MAD1L1: variants seen among roughly 807,000 people sequenced by gnomAD.
The protein encoded by MAD1L1 is mitotic spindle assembly checkpoint protein MAD1.
A neutral mutation model predicts 96.9 loss-of-function variants in MAD1L1; 95 were observed. The ratio of observed to expected loss-of-function variants is 0.98; its 90% CI spans 0.83 to 1.16. MAD1L1 has a LOEUF of 1.16. MAD1L1 is among the 50% of genes most tolerant of loss of function. The probability of loss-of-function intolerance (pLI) is 0.00; values close to 1 mark genes in which losing one functional copy is unlikely to be tolerated. For synonymous variants in MAD1L1, 473 were observed against 396.6 expected (o/e 1.19, Z -2.29); for missense variants, 1,007 against 954.4 (o/e 1.06, Z -0.73).
chr7:2,220,388 C>T (rs1289349324), intron 5 of MAD1L1, among the ~76,000 whole-genome samples: 1 of 152,228 alleles, frequency 6.6e-6, no homozygotes, highest in Non-Finnish European at 1.5e-5. Flanking sequence ...GGACCCTAAC[C>T]CTCTGGAAAA....
At chr7:2,107,082 G>T (rs1787138748) in intron 11 of MAD1L1, among the ~76,000 whole-genome samples, 1 of 152,256 alleles carries the variant, frequency 6.6e-6, no homozygotes, top group Non-Finnish European at 1.5e-5. Flanking sequence ...GCACCTGGCT[G>T]CCTGGGACAG....
intron 16 of MAD1L1, among the ~76,000 whole-genome samples, chr7:1,952,675 G>A (rs1044552494): frequency 1.3e-5 from 2 of 152,160 alleles, no homozygotes; most frequent in African/African-American, 2.4e-5. Context: ...CCGTGATCCT[G>A]CCTCCCAGGA....
chr7:1,994,307 G>A (rs974988062), intron 14 of MAD1L1, among the ~76,000 whole-genome samples: 5 of 152,242 alleles, frequency 3.3e-5, no homozygotes, highest in African/African-American at 1.2e-4. Context: ...GAGCGTGTCT[G>A]CGATGCAGGG....
chr7:2,005,716 T>C (rs10479762), intron 13 of MAD1L1, among the ~76,000 whole-genome samples: 86,732 of 151,944 alleles, frequency 0.57, 25,122 homozygotes, highest in Middle Eastern at 0.71. Context: ...CAGGAGGATC[T>C]CTTGAGACCA....
At chr7:2,154,834 G>C (rs555676618) in intron 10 of MAD1L1, among the ~76,000 whole-genome samples, 3 of 152,130 alleles carry the variant, frequency 2.0e-5, no homozygotes. Context: ...GGTGGAATCC[G>C]ATCAAACGGG....
chr7:1,848,258 C>T (rs931573748), intron 18 of MAD1L1: 2 of 171,512 alleles, frequency 1.2e-5, no homozygotes, highest in African/African-American at 4.8e-5. Context: ...ACCACCGGCC[C>T]CAGCAAAGGC....
At chr7:1,853,632 G>A (rs916123243) in intron 18 of MAD1L1, among the ~76,000 whole-genome samples, 11 of 152,158 alleles carry the variant, frequency 7.2e-5, no homozygotes, top group Middle Eastern at 3.4e-3. Context: ...CACTGTCCCC[G>A]CCGCCCTGCA....
intron 12 of MAD1L1, among the ~76,000 whole-genome samples, chr7:2,032,915 G>A (rs1043446116): frequency 4.6e-5 from 7 of 152,252 alleles, no homozygotes; most frequent in Admixed American, 4.6e-4. Context: ...GGGAGAGTGT[G>A]CATGGGGCAG....
chr7:2,024,646 G>A (rs373008613), intron 12 of MAD1L1, among the ~76,000 whole-genome samples: 1 of 152,196 alleles, frequency 6.6e-6, no homozygotes, highest in Admixed American at 6.5e-5. Flanking sequence ...TGATCACTCA[G>A]GGTTTAGTGC....
At position 1,816,214 on chromosome 7, in the gene MAD1L1, C is replaced by A; in HGVS notation, c.2013G>T (p.Ser671=). 2 of 1,612,580 alleles carry A rather than the reference C, an allele frequency of 1.2e-6. No individual in the cohort carries two copies. The highest frequency in any genetic ancestry group is 1.7e-6 in the Non-Finnish European group (2 of 1,179,482). ...DCLIFKATSP[S]GSKMQLLETE... is the part of the protein sequence containing the mutation. ...TCTCCAGTAGCTGCATCTTGGAACC[C>A]GAGGGGCTGGTGGCCTGCGGGGCAG... is the stretch of plus-strand genomic sequence containing the variant. Residue 671 remains serine (S), a synonymous_variant, in exon 19 of 19, where the codon TCG becomes TCT. Transcript: ENST00000265854.
intron 16 of MAD1L1, among the ~76,000 whole-genome samples, chr7:1,943,758 A>T (rs567073681): frequency 1.3e-5 from 2 of 152,160 alleles, no homozygotes; most frequent in East Asian, 1.9e-4. Context: ...CTGCACACAC[A>T]TCTACACAGA....
At chr7:1,896,456 G>A (rs1786877124) in intron 18 of MAD1L1, among the ~76,000 whole-genome samples, 1 of 152,232 alleles carries the variant, frequency 6.6e-6, no homozygotes. Context: ...CGCTTCAGAA[G>A]CCCATGCAGG....
intron 18 of MAD1L1, among the ~76,000 whole-genome samples, chr7:1,853,635 GCCCTGCACACCCACACGCCT>G (rs984244265): frequency 3.9e-5 from 6 of 152,058 alleles, no homozygotes; most frequent in Admixed American, 3.9e-4. Context: ...TGTCCCCGCC[GCCCTGCACACCCACACGCCT>G]CCCTCTGCAC....
intron 18 of MAD1L1, chr7:1,829,786 G>A (rs1486142508): frequency 2.7e-5 from 4 of 150,518 alleles, no homozygotes; most frequent in Non-Finnish European, 5.9e-5. Flanking sequence ...TAATCAAACT[G>A]CTCAAAACCA....
chr7:1,911,773 C>G (rs1172152864), intron 17 of MAD1L1, among the ~76,000 whole-genome samples: 6 of 152,040 alleles, frequency 3.9e-5, no homozygotes, highest in African/African-American at 1.4e-4. Context: ...CCAACCCTCT[C>G]CAGTCCGGCG....
chr7:2,116,567 TG>T (rs3076522), intron 11 of MAD1L1, among the ~76,000 whole-genome samples: 8,138 of 35,728 alleles, frequency 0.23, 338 homozygotes, highest in South Asian at 0.35. Context: ...GCCAGAGGGT[TG>T]GGGGGGGGGG....
intron 16 of MAD1L1, among the ~76,000 whole-genome samples, chr7:1,953,961 G>A (rs1239886495): frequency 1.3e-5 from 2 of 152,156 alleles, no homozygotes; most frequent in African/African-American, 2.4e-5. Flanking sequence ...CCTGCCCAGT[G>A]CGGCCTCCAC....
At chr7:2,080,451 C>G (rs770749745) in intron 11 of MAD1L1, among the ~76,000 whole-genome samples, 1 of 152,220 alleles carries the variant, frequency 6.6e-6, no homozygotes, top group Non-Finnish European at 1.5e-5. Flanking sequence ...CTGCCGGCTC[C>G]CCGCCTCGGC....
At chr7:1,888,286 G>A (rs1207056722) in intron 18 of MAD1L1, among the ~76,000 whole-genome samples, 1 of 138,448 alleles carries the variant, frequency 7.2e-6, no homozygotes, top group East Asian at 2.3e-4. Context: ...GTGCATGTGT[G>A]TGCATGCATG....
Sources: allele counts gnomAD v4.1 joint callset (sites outside exome capture counted in the v4.1 genomes callset), GRCh38; gene constraint gnomAD v4.1.1; transcripts MANE v1.5; gene names NCBI Gene and HGNC (gene_info 2026-07-23, HGNC 2026-07-21).